PICALM: variants seen among roughly 807,000 people sequenced by gnomAD.
The protein encoded by PICALM is phosphatidylinositol-binding clathrin assembly protein.
In PICALM, 40 loss-of-function variants were observed where a neutral mutation model predicts 80.5. The ratio of observed to expected loss-of-function variants is 0.50; its 90% CI spans 0.39 to 0.65. The LOEUF is 0.65. Among genes scored for constraint, PICALM ranks in the 30% least tolerant of loss-of-function variants. The probability of loss-of-function intolerance (pLI) is 0.00; values close to 1 mark genes in which losing one functional copy is unlikely to be tolerated. For synonymous variants in PICALM, 288 were observed against 260.3 expected, an observed-to-expected ratio of 1.11 and a Z score of -1.02; for missense variants, 676 against 778.9, an observed-to-expected ratio of 0.87 and a Z score of 1.57.
chr11:86,068,568 G>A (rs1318361821), intron 1 of PICALM, 83 bp downstream of exon 1: 19 of 1,325,880 alleles, frequency 1.4e-5, no homozygotes, highest in African/African-American at 2.9e-5. Context: ...GCAGTAGAAG[G>A]GTGAAAGACA....
In PICALM at chr11:86,068,786, C is replaced by T; in HGVS notation, c.-6G>A. The T allele has an allele frequency of 1.2e-6, 2 of 1,602,108 alleles. No homozygotes were observed. The highest frequency in any genetic ancestry group is 1.7e-6 in the Non-Finnish European group (2 of 1,176,916). Reference sequence around the variant, plus strand: ...GTCAGGCTCTGGCCGGACATCTCTGCAGCTCCTCCACCACCCCACCCGCTC... The same window carrying T: ...GTCAGGCTCTGGCCGGACATCTCTGTAGCTCCTCCACCACCCCACCCGCTC... On this transcript the variant is annotated 5_prime_UTR_variant, in exon 1 of 20. Transcript: ENST00000393346.
intron 19 of PICALM, 59 bp downstream of exon 19, chr11:85,974,649 T>A (rs751036213): frequency 7.4e-5 from 81 of 1,092,022 alleles, no homozygotes; most frequent in Non-Finnish European, 1.1e-4. Context: ...AAGGGTTTTA[T>A]AGTATCATAT....
chr11:85,977,725 A>T (rs971700358), intron 17 of PICALM, among the ~76,000 whole-genome samples: 1 of 152,254 alleles, frequency 6.6e-6, no homozygotes, highest in Non-Finnish European at 1.5e-5. Flanking sequence ...GAAGCCTGTA[A>T]GATTTCATGC....
At chr11:85,989,592 T>A (rs2094697119) in intron 13 of PICALM, among the ~76,000 whole-genome samples, 1 of 152,190 alleles carries the variant, frequency 6.6e-6, no homozygotes, top group African/African-American at 2.4e-5. Flanking sequence ...ACTTTAAAAC[T>A]TACTATTCCC....
intron 13 of PICALM, 25 bp from the exon 14 acceptor site, chr11:85,983,998 G>C: frequency 1.9e-6 from 2 of 1,062,648 alleles, no homozygotes; most frequent in Non-Finnish European, 1.4e-6. Flanking sequence ...ATGGAAAAAA[G>C]CTCAATTATT....
intron 13 of PICALM, among the ~76,000 whole-genome samples, chr11:85,985,679 T>C (rs531711696): frequency 1.0e-3 from 153 of 152,324 alleles, no homozygotes; most frequent in Middle Eastern, 6.8e-3. Context: ...ACTCTTTACA[T>C]AAAAAGCGAA....
intron 2 of PICALM, among the ~76,000 whole-genome samples, chr11:86,027,659 G>A (rs188386805): frequency 6.6e-6 from 1 of 151,666 alleles, no homozygotes; most frequent in Non-Finnish European, 1.5e-5. Flanking sequence ...CAAGTAGCTG[G>A]GACTACAGGC....
Position 85,981,313 on chromosome 11 carries a change from T to G in PICALM, c.1680-85A>C, listed in dbSNP as rs1016058139. On this transcript the variant is annotated intron_variant, in intron 16 of 19. Coordinates refer to ENST00000393346, the MANE Select transcript of PICALM (RefSeq NM_007166.4). ...TATACTTATATAGAACAGAGTAAGA[T>G]AGAGACTTGAGGCTGGGCGTGGTGG... is the stretch of plus-strand genomic sequence containing the variant. 12 of 813,642 alleles carry G rather than the reference T, an allele frequency of 1.5e-5. No individual in the cohort carries two copies. In the African/African-American group the frequency reaches 1.9e-4, roughly 13 times the overall value. 50.4% of individuals were successfully genotyped at this position (813,642 alleles called of 1,614,324 possible).
intron 11 of PICALM, among the ~76,000 whole-genome samples, chr11:85,999,739 G>GT (rs2095087073): frequency 1.3e-5 from 2 of 152,190 alleles, no homozygotes; most frequent in Admixed American, 6.5e-5. Context: ...TTAAGGGTGA[G>GT]TTAATAAACA....
intron 1 of PICALM, among the ~76,000 whole-genome samples, chr11:86,050,167 T>C (rs959685658): frequency 1.5e-5 from 2 of 137,066 alleles, no homozygotes; most frequent in African/African-American, 5.7e-5. Context: ...ATCGCGCCAC[T>C]GCACTCCAGC....
intron 1 of PICALM, among the ~76,000 whole-genome samples, chr11:86,037,011 T>C (rs1451601579): frequency 1.3e-5 from 2 of 151,160 alleles, no homozygotes; most frequent in African/African-American, 4.9e-5. Flanking sequence ...CATGGCGTGA[T>C]CTCGGCTCAC....
chr11:86,001,201 C>G (rs780736059), intron 9 of PICALM, 43 bp from the exon 10 acceptor site: 2 of 1,596,734 alleles, frequency 1.3e-6, no homozygotes, highest in African/African-American at 1.3e-5. Context: ...TTGCTAAACA[C>G]TTCACATTAC....
Position 86,068,941 on chromosome 11 carries a change from TC to T in PICALM, c.-162del. ...GTTCGGGGCCGCGCGCTGCCACCAG[TC>T]CAGAGAGAACCGGCTCGTGTCACCC... is the stretch of plus-strand genomic sequence containing the variant. On this transcript the variant is annotated 5_prime_UTR_variant, in exon 1 of 20. Transcript: ENST00000393346. 1.1e-6 allele frequency: 1 copy of T among 908,644 alleles called. No homozygotes were observed. Among genetic ancestry groups the T allele is most frequent in the East Asian group, 2.8e-5 (1 of 35,952 alleles). The allele number at this position is 908,644 out of a possible 1,614,324, so 56.3% of individuals were successfully genotyped here. A position where few individuals can be genotyped will look rare whatever the true frequency, so the allele number is the denominator to read the frequency against.
Position 85,981,992 on chromosome 11 carries a change from G to C in PICALM, c.1528C>G (p.Leu510Val). ...ACTGTTGGTTTGAGAAGTCCACCTA[G>C]TTCATCAAAGCCTTAAAGTTACAAA... Reference protein sequence around the residue: ...VIVDSGGFDELGGLLKPTVAS... With the variant: ...VIVDSGGFDEVGGLLKPTVAS... The change falls in exon 15 of 20, where the codon CTA (leucine) becomes GTA (valine). Residue 510 changes from leucine (L) to valine (V), a missense_variant. By Grantham distance (32) the Leu-to-Val change is conservative. Coordinates refer to ENST00000393346, the MANE Select transcript of PICALM (RefSeq NM_007166.4). 1.2e-6 allele frequency: 2 copies of C among 1,613,258 alleles called. No individual in the cohort carries two copies. Among genetic ancestry groups the C allele is most frequent in the Non-Finnish European group, 1.7e-6 (2 of 1,179,188 alleles).
chr11:86,014,339 C>T (rs2095445908), intron 5 of PICALM, among the ~76,000 whole-genome samples: 1 of 152,126 alleles, frequency 6.6e-6, no homozygotes, highest in African/African-American at 2.4e-5. Context: ...GAGTTGAAAA[C>T]GTTAACTTCT....
chr11:85,989,101 C>A (rs2094681607), intron 13 of PICALM, among the ~76,000 whole-genome samples: 2 of 152,152 alleles, frequency 1.3e-5, no homozygotes, highest in African/African-American at 2.4e-5. Flanking sequence ...AATGTCTTCC[C>A]TCTGTCAAGG....
At chr11:85,960,704 G>C in intron 19 of PICALM, 1 of 1,317,542 alleles carries the variant, frequency 7.6e-7, no homozygotes, top group South Asian at 1.2e-5. Flanking sequence ...ATCCTCCAAA[G>C]AGAGCTCTGC....
chr11:86,026,181 A>C, intron 3 of PICALM, 111 bp downstream of exon 3: 1 of 636,586 alleles, frequency 1.6e-6, no homozygotes, highest in African/African-American at 1.8e-5. Flanking sequence ...ACCTTCACTA[A>C]AATATAAGGT....
chr11:85,998,150 C>T (rs1355696063), intron 11 of PICALM, among the ~76,000 whole-genome samples: 1 of 147,990 alleles, frequency 6.8e-6, no homozygotes, highest in Non-Finnish European at 1.5e-5. Flanking sequence ...CTCGCTCCGT[C>T]GCCCAGGCTG....
Sources: gnomAD v4.1 joint callset for allele counts (sites outside exome capture counted in the v4.1 genomes callset) on GRCh38, gnomAD v4.1.1 for gene constraint, MANE v1.5 for transcripts, NCBI Gene and HGNC (gene_info 2026-07-23, HGNC 2026-07-21) for gene names.